The following EIF3C variants were observed in gnomAD, a reference collection of about 807,000 sequenced individuals.
EIF3C encodes the protein cell migration-inducing protein 17.
EIF3C carries 2 observed loss-of-function variants against 11.1 expected under a neutral mutation model. The observed-to-expected ratio is 0.18, with a 90% confidence interval of 0.07 to 0.57. The LOEUF is 0.57. EIF3C is among the 20% of genes least tolerant of loss of function. The pLI, the probability that EIF3C is intolerant of heterozygous loss-of-function variation, is 0.92. For missense variants in EIF3C, 16 were observed against 114.6 expected (o/e 0.14, Z 3.93); for synonymous variants, 2 against 41.5 (o/e 0.05, Z 3.66).
intron 1 of EIF3C, among the ~76,000 whole-genome samples, chr16:28,696,103 G>C (rs1424734702): frequency 1.9e-5 from 1 of 51,854 alleles, no homozygotes; most frequent in Non-Finnish European, 3.5e-5. Flanking sequence ...GGGTGGCTCA[G>C]GCCTGTAATC....
chr16:28,718,647 G>T, intron 8 of EIF3C, among the ~76,000 whole-genome samples: 1 of 124,318 alleles, frequency 8.0e-6, no homozygotes, highest in Non-Finnish European at 1.6e-5. Flanking sequence ...TTGAGACAGA[G>T]TCTTGCACTG....
intron 1 of EIF3C, chr16:28,701,619 G>A: frequency 8.0e-6 from 1 of 124,650 alleles, no homozygotes. Context: ...CATTTTGGAA[G>A]CTTGTTTGTG....
At chr16:28,698,626 A>C (rs1242694424) in intron 1 of EIF3C, among the ~76,000 whole-genome samples, 1 of 89,452 alleles carries the variant, frequency 1.1e-5, no homozygotes, top group African/African-American at 1.0e-4. Context: ...GACACTCCTC[A>C]CTTCCCAGAT....
At chr16:28,728,707 G>C (rs1460852987) in intron 15 of EIF3C, among the ~76,000 whole-genome samples, 1 of 21,776 alleles carries the variant, frequency 4.6e-5, no homozygotes, top group Non-Finnish European at 1.1e-4. Context: ...GCTAATTTTT[G>C]TATATTTAAT....
Position 28,689,264 on chromosome 16 carries a change from A to T in EIF3C, c.-31+436A>T, listed in dbSNP as rs1202292554. ...TCACACTTAGTCACAATCCCCTGTA[A>T]ATAGTTCATTTTTCTGTTAAAACTT... On this transcript the variant is annotated intron_variant, in intron 1 of 20. Transcript: ENST00000566501. Among the ~76,000 whole-genome samples, 43 of 50,524 alleles carry T rather than the reference A, an allele frequency of 8.5e-4. 18 individuals are homozygous for T. Among genetic ancestry groups the T allele is most frequent in the Admixed American group, 2.8e-3 (13 of 4,576 alleles). 33.1% of individuals were successfully genotyped at this position (50,524 alleles called of 152,430 possible). A position where few individuals can be genotyped will look rare whatever the true frequency, so the allele number is the denominator to read the frequency against.
At chr16:28,729,565 C>A (rs2151800992) in intron 15 of EIF3C, among the ~76,000 whole-genome samples, 1 of 50,638 alleles carries the variant, frequency 2.0e-5, no homozygotes, top group South Asian at 7.2e-4. Flanking sequence ...GTTTCTTTTT[C>A]CTCCATATGG....
At chr16:28,699,488 G>T (rs28516685) in intron 1 of EIF3C, among the ~76,000 whole-genome samples, 1 of 39,374 alleles carries the variant, frequency 2.5e-5, no homozygotes, top group Non-Finnish European at 6.5e-5. Context: ...GAGACGGAGA[G>T]GGAGAGGGAG....
Position 28,699,470 on chromosome 16 carries a change from C to CGGAGAT in EIF3C, c.-31+10647_-31+10648insTGGAGA, listed in dbSNP as rs1555490252. On this transcript the variant is annotated intron_variant, in intron 1 of 20. Transcript: ENST00000566501. ...GACCGTGGGGAGAGGGAGACGGAGACGGAGACGGAGACGGAGAGGGAGAGG... is the reference window on the plus strand; with the variant it reads ...GACCGTGGGGAGAGGGAGACGGAGACGGAGATGGAGACGGAGACGGAGAGGGAGAGG... 3.9e-3 allele frequency among the ~76,000 whole-genome samples: 344 copies of CGGAGAT among 87,888 alleles called. 1 individual carries two copies. The highest frequency in any genetic ancestry group is 0.018 in the African/African-American group (326 of 18,402). 57.7% of individuals were successfully genotyped at this position (87,888 alleles called of 152,430 possible).
chr16:28,700,905 T>C lies in EIF3C; in HGVS notation c.-30-10752T>C. On this transcript the variant is annotated intron_variant, in intron 1 of 20. Transcript: ENST00000566501. ...CCATGCTCCTGCTAAAGCCGTCTTT[T>C]CTTTTTTTTTTTTGAGACGGAGTCT... The C allele has an allele frequency of 2.2e-5, 5 of 226,034 alleles. No homozygotes were observed. The South Asian group carries it at 2.9e-4, about 13-fold the overall frequency. 14.0% of individuals were successfully genotyped at this position (226,034 alleles called of 1,614,324 possible). A position where few individuals can be genotyped will look rare whatever the true frequency, so the allele number is the denominator to read the frequency against.
intron 8 of EIF3C, among the ~76,000 whole-genome samples, chr16:28,718,614 GTTTTTTTTTTTTT>G (rs576228155): frequency 2.2e-5 from 1 of 45,270 alleles, no homozygotes; most frequent in South Asian, 1.6e-3. Context: ...CTTGTTTAAA[GTTTTTTTTTTTTT>G]TTTTTTTTTT....
upstream of EIF3C, among the ~76,000 whole-genome samples, chr16:28,709,923 CA>C (rs1310810646): frequency 0.094 from 1,233 of 13,114 alleles, 29 homozygotes; most frequent in African/African-American, 0.22. Flanking sequence ...AACTCCATCT[CA>C]AAAAAAAAAA....
At chr16:28,725,614 A>AC (rs1317158132) in intron 13 of EIF3C, among the ~76,000 whole-genome samples, 34 of 9,150 alleles carry the variant, frequency 3.7e-3, no homozygotes, top group African/African-American at 6.1e-3. Context: ...CACACACACA[A>AC]AAAAAATTAG....
chr16:28,729,724 C>CT (rs1213042175), intron 15 of EIF3C, among the ~76,000 whole-genome samples: 1 of 134,108 alleles, frequency 7.5e-6, no homozygotes, highest in Non-Finnish European at 1.6e-5. Flanking sequence ...CATTCATTTA[C>CT]CTTTTTGTCT....
chr16:28,729,572 A>G lies in EIF3C; in HGVS notation c.1819-2257A>G, dbSNP rs1412342204. Among the ~76,000 whole-genome samples, 9 of 55,282 alleles carry G rather than the reference A, an allele frequency of 1.6e-4. No homozygotes were observed. In the East Asian group the frequency reaches 3.6e-3, roughly 22 times the overall value. The allele number at this position is 55,282 out of a possible 152,430, so 36.3% of individuals were successfully genotyped here. ...GGATCAGGGTTTCTTTTTCCTCCAT[A>G]TGGATACCTAGTTGTTCTAGCATCA... On this transcript the variant is annotated intron_variant, in intron 15 of 20. Transcript: ENST00000331666.
chr16:28,696,402 G>A (rs1185832127), intron 1 of EIF3C, among the ~76,000 whole-genome samples: 1 of 48,528 alleles, frequency 2.1e-5, no homozygotes, highest in Non-Finnish European at 3.6e-5. Context: ...ATGGGCAGGC[G>A]TTTGGCATAT....
intron 15 of EIF3C, among the ~76,000 whole-genome samples, chr16:28,728,580 G>A (rs2048407983): frequency 9.3e-6 from 1 of 107,306 alleles, no homozygotes; most frequent in Non-Finnish European, 2.1e-5. Flanking sequence ...TGTTGCCCAG[G>A]CTGGAGTGCA....
chr16:28,703,023 C>CA (rs1347345122), intron 1 of EIF3C, among the ~76,000 whole-genome samples: 42 of 2,968 alleles, frequency 0.014, 6 homozygotes, highest in African/African-American at 0.1. Flanking sequence ...AACTCCATCT[C>CA]AAAAAAAAAA....
In EIF3C at chr16:28,728,523, T is replaced by G. The variant is rs555550781; in HGVS notation, c.1818+1278T>G. ...TGTGTGTGTGTGTATCTTTTAGGGG[T>G]GTGTGTGTGTGTGTGTGTGTGTGTG... On this transcript the variant is annotated intron_variant, in intron 15 of 20. Coordinates refer to ENST00000331666, the MANE Select transcript of EIF3C (RefSeq NM_003752.5). Among the ~76,000 whole-genome samples the G allele has an allele frequency of 1.1e-3, 131 of 118,952 alleles. 8 individuals are homozygous for G. The highest frequency in any genetic ancestry group is 4.2e-3 in the Middle Eastern group (1 of 240). The allele number at this position is 118,952 out of a possible 152,430, so 78.0% of individuals were successfully genotyped here.
chr16:28,700,351 C>G lies in EIF3C; in HGVS notation c.-30-11306C>G, dbSNP rs777609872. On this transcript the variant is annotated intron_variant, in intron 1 of 20. Coordinates refer to the EIF3C transcript ENST00000566501. ...CAGCTTCCAGCAGCCGGTCCCTGAA[C>G]ACTCCTCCTCTCCCTCCTTGGCCTC... 3.6e-5 allele frequency: 13 copies of G among 357,546 alleles called. 4 individuals carry two copies. The highest frequency in any genetic ancestry group is 6.7e-5 in the Non-Finnish European group (13 of 194,330). The allele number at this position is 357,546 out of a possible 1,614,324, so 22.1% of individuals were successfully genotyped here. A position where few individuals can be genotyped will look rare whatever the true frequency, so the allele number is the denominator to read the frequency against.
Sources: gnomAD v4.1 joint callset for allele counts (sites outside exome capture counted in the v4.1 genomes callset) on GRCh38, gnomAD v4.1.1 for gene constraint, MANE v1.5 for transcripts, NCBI Gene and HGNC (gene_info 2026-07-23, HGNC 2026-07-21) for gene names.